EBAG9: variants seen among roughly 807,000 people sequenced by gnomAD.
The protein encoded by EBAG9 is receptor-binding cancer antigen expressed on SiSo cells.
EBAG9 carries 16 observed loss-of-function variants against 30.9 expected under a neutral mutation model. The ratio of observed to expected loss-of-function variants is 0.52; its 90% CI spans 0.35 to 0.79. The LOEUF is 0.79. EBAG9 is among the 30% of genes least tolerant of loss of function. The probability of loss-of-function intolerance (pLI) is 0.01; values close to 1 mark genes in which losing one functional copy is unlikely to be tolerated. For synonymous variants in EBAG9, 93 were observed against 82.8 expected, an observed-to-expected ratio of 1.12 and a Z score of -0.67; for missense variants, 197 against 242.1, an observed-to-expected ratio of 0.81 and a Z score of 1.24.
intron 1 of EBAG9, among the ~76,000 whole-genome samples, chr8:109,547,654 G>A (rs900501972): frequency 1.3e-5 from 2 of 151,778 alleles, no homozygotes; most frequent in Non-Finnish European, 2.9e-5. Context: ...CTAATTTTTT[G>A]TATTTTTAGT....
chr8:109,553,741 AAAT>A, intron 2 of EBAG9, 121 bp from the exon 3 acceptor site: 1 of 718,044 alleles, frequency 1.4e-6, no homozygotes, highest in Non-Finnish European at 2.2e-6. Flanking sequence ...ACTGTTACTA[AAAT>A]CAATAATCAT....
chr8:109,552,481 A>T (rs1821513715), intron 2 of EBAG9, among the ~76,000 whole-genome samples: 1 of 152,222 alleles, frequency 6.6e-6, no homozygotes, highest in Admixed American at 6.5e-5. Context: ...TTCACCAGGT[A>T]AAGCAACATT....
chr8:109,541,137 C>CTCA (rs1408128541), intron 1 of EBAG9, among the ~76,000 whole-genome samples: 1 of 151,934 alleles, frequency 6.6e-6, no homozygotes, highest in East Asian at 1.9e-4. Flanking sequence ...GATACATTGC[C>CTCA]TCATAGTTTT....
chr8:109,564,457 C>A lies in EBAG9; in HGVS notation c.540C>A (p.Asp180Glu). The change falls in exon 7 of 7, where the codon GAC becomes GAA. Residue 180 changes from aspartate to glutamate, a missense_variant. Coordinates refer to ENST00000337573, the MANE Select transcript of EBAG9 (RefSeq NM_004215.5). Reference sequence around the variant, plus strand: ...TTTTCAGACAGCAGAAACTAGCAGACAGAGAAAAGAGAGCAGCCGAACAAC... The same window carrying A: ...TTTTCAGACAGCAGAAACTAGCAGAAAGAGAAAAGAGAGCAGCCGAACAAC... ...EEVLRQQKLA[D>E]REKRAAEQQR... The A allele has an allele frequency of 6.2e-7, 1 of 1,611,606 alleles. No homozygotes were observed. The highest frequency in any genetic ancestry group is 1.1e-5 in the South Asian group (1 of 90,818).
rs2131138508 is a variant in EBAG9 at position 109,564,403 on chromosome 8, G to A, written c.522-36G>A. On this transcript the variant is annotated intron_variant, in intron 6 of 6. Transcript: ENST00000337573. Reference sequence around the variant, plus strand: ...AATTTATTTGCCATTTTACCTGTTTGGTATTTTCTAAAAGTAAAAGTATGT... The same window carrying A: ...AATTTATTTGCCATTTTACCTGTTTAGTATTTTCTAAAAGTAAAAGTATGT... 5 of 1,602,888 alleles carry A rather than the reference G, an allele frequency of 3.1e-6. No individual in the cohort carries two copies. In the South Asian group the frequency reaches 4.5e-5, roughly 14 times the overall value.
At chr8:109,559,846 T>G (rs1821676645) in intron 5 of EBAG9, among the ~76,000 whole-genome samples, 1 of 151,728 alleles carries the variant, frequency 6.6e-6, no homozygotes, top group South Asian at 2.1e-4. Context: ...AAAGGCAGGA[T>G]TTCTACCTAC....
At chr8:109,549,059 C>A (rs2131108008) in intron 1 of EBAG9, among the ~76,000 whole-genome samples, 2 of 151,354 alleles carry the variant, frequency 1.3e-5, no homozygotes, top group East Asian at 1.9e-4. Flanking sequence ...TGTTTTTGAT[C>A]AGGTTGAGAA....
intron 6 of EBAG9, among the ~76,000 whole-genome samples, chr8:109,561,215 T>TTATA (rs140792246): frequency 5.5e-4 from 82 of 148,928 alleles, no homozygotes; most frequent in African/African-American, 1.9e-3. Flanking sequence ...TATATATGTT[T>TTATA]TATATATATA....
At position 109,540,422 on chromosome 8, in the gene EBAG9, T is replaced by TA; in HGVS notation, c.-53dup. The TA allele has an allele frequency of 6.6e-6, 1 of 152,364 alleles. No homozygotes were observed. The highest frequency in any genetic ancestry group is 2.4e-5 in the African/African-American group (1 of 41,580). 9.4% of individuals were successfully genotyped at this position (152,364 alleles called of 1,614,324 possible). Reference sequence around the variant, plus strand: ...GCCGGGCGCCAGGCGTCGGCTTGTATAACCTGAAAACGCTCCTGTTTTTCT... The same window carrying TA: ...GCCGGGCGCCAGGCGTCGGCTTGTATAAACCTGAAAACGCTCCTGTTTTTCT... On this transcript the variant is annotated 5_prime_UTR_variant, in exon 1 of 7. Transcript: ENST00000337573.
intron 6 of EBAG9, chr8:109,563,584 T>G (rs752134092): frequency 2.6e-6 from 4 of 1,535,340 alleles, no homozygotes; most frequent in South Asian, 2.5e-5. Context: ...ACTCTTTTTT[T>G]TTTTTTTTTA....
chr8:109,552,479 G>A (rs1378895577), intron 2 of EBAG9, among the ~76,000 whole-genome samples: 1 of 152,150 alleles, frequency 6.6e-6, no homozygotes, highest in Non-Finnish European at 1.5e-5. Flanking sequence ...AATTCACCAG[G>A]TAAAGCAACA....
intron 1 of EBAG9, among the ~76,000 whole-genome samples, chr8:109,543,913 T>G (rs906633326): frequency 2.0e-5 from 3 of 151,434 alleles, no homozygotes; most frequent in African/African-American, 7.3e-5. Context: ...GCCAGTAGTC[T>G]CAGATTTGGG....
intron 2 of EBAG9, among the ~76,000 whole-genome samples, chr8:109,553,061 T>C (rs1292730631): frequency 6.6e-6 from 1 of 152,170 alleles, no homozygotes; most frequent in Non-Finnish European, 1.5e-5. Context: ...TAGTTCTTAG[T>C]TGATGCTTTT....
intron 6 of EBAG9, 78 bp from the exon 7 acceptor site, chr8:109,564,361 C>T: frequency 1.3e-6 from 2 of 1,542,654 alleles, no homozygotes; most frequent in Non-Finnish European, 1.8e-6. Flanking sequence ...TAAAAAGGCA[C>T]TGCTATTTCT....
At chr8:109,563,052 TC>T (rs1821741714) in intron 6 of EBAG9, among the ~76,000 whole-genome samples, 2 of 152,132 alleles carry the variant, frequency 1.3e-5, no homozygotes, top group South Asian at 4.1e-4. Context: ...CATTTTTAGT[TC>T]AGATTATTAG....
At chr8:109,539,742 G>A (rs1425201240), upstream of EBAG9, 2 of 152,376 alleles carry the variant, frequency 1.3e-5, no homozygotes, top group African/African-American at 2.4e-5. Context: ...GCTGCGCAGA[G>A]GCAACGCAGG....
Position 109,564,783 on chromosome 8 carries a change from C to A in EBAG9, c.*224C>A. 4.8e-6 allele frequency: 2 copies of A among 420,690 alleles called. No homozygotes were observed. The highest frequency in any genetic ancestry group is 8.4e-6 in the Non-Finnish European group (2 of 239,098). The allele number at this position is 420,690 out of a possible 1,614,324, so 26.1% of individuals were successfully genotyped here. Reference sequence around the variant, plus strand: ...GAGACAATGTTTTCTTCAACATGCTCCAAATATAAGACATTTGTTTGCTGT... The same window carrying A: ...GAGACAATGTTTTCTTCAACATGCTACAAATATAAGACATTTGTTTGCTGT... On this transcript the variant is annotated 3_prime_UTR_variant, in exon 7 of 7. Coordinates refer to ENST00000337573, the MANE Select transcript of EBAG9 (RefSeq NM_004215.5).
chr8:109,560,919 G>T lies in EBAG9; in HGVS notation c.511G>T (p.Glu171Ter), dbSNP rs1032580587. 1 of 1,612,548 alleles carries T rather than the reference G, an allele frequency of 6.2e-7. No homozygotes were observed. The highest frequency in any genetic ancestry group is 8.5e-7 in the Non-Finnish European group (1 of 1,179,210). The part of the protein sequence containing the change: ...EEEDAAWQAE[E>*]VLRQQKLADR... ...AGAAGATGCAGCCTGGCAAGCAGAA[G>T]AAGTTCTGAGGTATTTGAGTGGCAT... The change falls in exon 6 of 7, where the codon GAA (glutamate) becomes TAA (stop). Residue 171 changes from glutamate (E) to a stop codon, truncating the protein, a stop_gained. Coordinates refer to ENST00000337573, the MANE Select transcript of EBAG9 (RefSeq NM_004215.5). LOFTEE classifies it high-confidence loss of function.
chr8:109,556,108 A>G (rs940378079), intron 4 of EBAG9, among the ~76,000 whole-genome samples: 1 of 152,118 alleles, frequency 6.6e-6, no homozygotes, highest in African/African-American at 2.4e-5. Flanking sequence ...TCACTCTGCT[A>G]TATCAGAAAA....
Sources: gnomAD v4.1 joint callset for allele counts (sites outside exome capture counted in the v4.1 genomes callset) on GRCh38, gnomAD v4.1.1 for gene constraint, MANE v1.5 for transcripts, NCBI Gene and HGNC (gene_info 2026-07-23, HGNC 2026-07-21) for gene names.